The following ATP8A2 variants were observed in gnomAD, a reference collection of about 807,000 sequenced individuals.
ATP8A2 encodes phospholipid-transporting ATPase IB.
Under a neutral mutation model 165.6 loss-of-function variants are expected in ATP8A2, and 100 were observed. The observed-to-expected ratio is 0.60, with a 90% CI of 0.51 to 0.71. The LOEUF (loss-of-function observed/expected upper bound fraction) is 0.71, where lower values mean the gene tolerates loss of function less well. Ranked by LOEUF, ATP8A2 falls within the 30% of genes least tolerant of loss-of-function variation. The probability of loss-of-function intolerance (pLI) is 0.00; values close to 1 mark genes in which losing one functional copy is unlikely to be tolerated. For missense variants in ATP8A2, 1,227 were observed against 1,479.5 expected, an observed-to-expected ratio of 0.83 and a Z score of 2.80; for synonymous variants, 543 against 548.8, an observed-to-expected ratio of 0.99 and a Z score of 0.15.
At chr13:26,008,435 A>G (rs1013705246) in intron 35 of ATP8A2, among the ~76,000 whole-genome samples, 5 of 152,188 alleles carry the variant, frequency 3.3e-5, no homozygotes, top group African/African-American at 1.2e-4. Flanking sequence ...AATGAAAAAC[A>G]TGGGAGAGAT....
intron 33 of ATP8A2, among the ~76,000 whole-genome samples, chr13:25,902,107 A>G (rs976572083): frequency 6.6e-6 from 1 of 152,226 alleles, no homozygotes; most frequent in African/African-American, 2.4e-5. Context: ...TATGGGGTTT[A>G]AAAAGGACAA....
chr13:25,807,360 T>A (rs1950765016), intron 27 of ATP8A2, among the ~76,000 whole-genome samples: 1 of 152,186 alleles, frequency 6.6e-6, no homozygotes, highest in Non-Finnish European at 1.5e-5. Context: ...TATTGTTTGT[T>A]AATGGTGTGA....
Position 25,533,431 on chromosome 13 carries a change from T to G in ATP8A2, c.507+118T>G, listed in dbSNP as rs558475939. 117 of 590,952 alleles carry G rather than the reference T, an allele frequency of 2.0e-4. No homozygotes were observed. In the South Asian group the frequency reaches 2.4e-3, roughly 12 times the overall value. The allele number at this position is 590,952 out of a possible 1,614,324, so 36.6% of individuals were successfully genotyped here. A position where few individuals can be genotyped will look rare whatever the true frequency, so the allele number is the denominator to read the frequency against. On this transcript the variant is annotated intron_variant, in intron 6 of 36. Transcript: ENST00000381655. ...ACACAGTAGAGTTTTCCATGAGGTCTGCTGAGACCTGATGCGTGTTTACTC... is the reference window on the plus strand; with the variant it reads ...ACACAGTAGAGTTTTCCATGAGGTCGGCTGAGACCTGATGCGTGTTTACTC...
rs77163923 is a variant in ATP8A2, at chr13:25,376,006, G to A, written c.76+3718G>A. Reference sequence around the variant, plus strand: ...TTTTTGCCAGAACAACCTGCCCCAAGTTTCAAGGAGGAGAATCAGGGCAGC... The same window carrying A: ...TTTTTGCCAGAACAACCTGCCCCAAATTTCAAGGAGGAGAATCAGGGCAGC... On this transcript the variant is annotated intron_variant, in intron 1 of 36. Transcript: ENST00000381655. Among the ~76,000 whole-genome samples, 323 of 152,194 alleles carry A rather than the reference G, an allele frequency of 2.1e-3. 1 individual carries two copies. The highest frequency in any genetic ancestry group is 7.2e-3 in the African/African-American group (301 of 41,530).
chr13:25,692,741 T>G (rs1415395931), intron 24 of ATP8A2, among the ~76,000 whole-genome samples: 1 of 152,208 alleles, frequency 6.6e-6, no homozygotes, highest in Non-Finnish European at 1.5e-5. Context: ...GGTGATTACC[T>G]AATTTTAATT....
intron 2 of ATP8A2, among the ~76,000 whole-genome samples, chr13:25,527,470 G>A (rs2037877713): frequency 6.6e-6 from 1 of 152,148 alleles, no homozygotes; most frequent in Non-Finnish European, 1.5e-5. Flanking sequence ...GATAGGTGCT[G>A]CCTTTAGCTG....
intron 33 of ATP8A2, among the ~76,000 whole-genome samples, chr13:25,893,724 C>G (rs1201171594): frequency 6.6e-6 from 1 of 152,156 alleles, no homozygotes; most frequent in Non-Finnish European, 1.5e-5. Context: ...TGTTTCCTGA[C>G]TTTTGAATGA....
At chr13:25,483,843 C>T (rs187486959) in intron 2 of ATP8A2, among the ~76,000 whole-genome samples, 26 of 152,324 alleles carry the variant, frequency 1.7e-4, no homozygotes, top group Admixed American at 1.5e-3. Context: ...CTGGTTATTA[C>T]GAATGTTGTT....
chr13:25,854,693 G>A (rs1335938700), intron 30 of ATP8A2, among the ~76,000 whole-genome samples: 1 of 152,158 alleles, frequency 6.6e-6, no homozygotes, highest in African/African-American at 2.4e-5. Flanking sequence ...TTGTTCAATA[G>A]CACTTTCTGT....
chr13:25,440,191 A>C (rs1010451608), intron 1 of ATP8A2, among the ~76,000 whole-genome samples: 2 of 151,994 alleles, frequency 1.3e-5, no homozygotes, highest in African/African-American at 4.8e-5. Context: ...CTCCCCAGTA[A>C]TTTTCTCACA....
At chr13:25,424,116 G>A (rs547055939) in intron 1 of ATP8A2, among the ~76,000 whole-genome samples, 5 of 152,186 alleles carry the variant, frequency 3.3e-5, no homozygotes, top group Non-Finnish European at 7.3e-5. Flanking sequence ...GAGCTGAGAA[G>A]GGGATCGTGG....
In ATP8A2 at chr13:25,878,140, C is replaced by T. The variant is rs577249451; in HGVS notation, c.3183+15732C>T. On this transcript the variant is annotated intron_variant, in intron 33 of 36. Coordinates refer to ENST00000381655, the MANE Select transcript of ATP8A2 (RefSeq NM_016529.6). Reference sequence around the variant, plus strand: ...GTTCTGTAGCGTGAAGAAGACAACTCGGGAAGTGTCTAAGGAATGGAAGAC... The same window carrying T: ...GTTCTGTAGCGTGAAGAAGACAACTTGGGAAGTGTCTAAGGAATGGAAGAC... Among the ~76,000 whole-genome samples the T allele has an allele frequency of 4.6e-5, 7 of 152,208 alleles. No individual in the cohort carries two copies. In the South Asian group the frequency reaches 1.0e-3, roughly 23 times the overall value.
At chr13:25,413,186 C>T (rs1296088942) in intron 1 of ATP8A2, among the ~76,000 whole-genome samples, 1 of 151,712 alleles carries the variant, frequency 6.6e-6, no homozygotes, top group Non-Finnish European at 1.5e-5. Flanking sequence ...TTTTTTGGTG[C>T]AGTACTGCAA....
chr13:25,598,083 C>G (rs1023330059), intron 24 of ATP8A2, among the ~76,000 whole-genome samples: 1 of 151,976 alleles, frequency 6.6e-6, no homozygotes, highest in Non-Finnish European at 1.5e-5. Context: ...CAGTTTATAT[C>G]CCGTATAGTT....
intron 24 of ATP8A2, among the ~76,000 whole-genome samples, chr13:25,605,895 A>G (rs938639101): frequency 2.0e-5 from 3 of 152,170 alleles, no homozygotes; most frequent in Non-Finnish European, 4.4e-5. Flanking sequence ...CTCCTAGGTC[A>G]AGAGAAATAT....
chr13:25,850,775 G>A (rs1193171326), intron 30 of ATP8A2, among the ~76,000 whole-genome samples: 4 of 152,194 alleles, frequency 2.6e-5, no homozygotes, highest in South Asian at 2.1e-4. Context: ...CTGGACAATC[G>A]AATGGGGCTT....
At chr13:25,454,705 C>G (rs374441831) in intron 1 of ATP8A2, among the ~76,000 whole-genome samples, 3 of 152,118 alleles carry the variant, frequency 2.0e-5, no homozygotes, top group Non-Finnish European at 4.4e-5. Flanking sequence ...GGGTGAATCA[C>G]GAGGTCATGA....
chr13:25,445,067 A>G (rs1199896476), intron 1 of ATP8A2, among the ~76,000 whole-genome samples: 2 of 152,192 alleles, frequency 1.3e-5, no homozygotes, highest in Non-Finnish European at 2.9e-5. Context: ...GGATGCAAGC[A>G]TCAGATACAT....
chr13:25,858,760 A>G (rs933036131), intron 30 of ATP8A2, among the ~76,000 whole-genome samples: 9 of 152,228 alleles, frequency 5.9e-5, no homozygotes, highest in Non-Finnish European at 1.5e-5. Context: ...GCCACAGACC[A>G]GAACTGAGTA....
Sources: allele counts gnomAD v4.1 joint callset (sites outside exome capture counted in the v4.1 genomes callset), GRCh38; gene constraint gnomAD v4.1.1; transcripts MANE v1.5; gene names NCBI Gene and HGNC (gene_info 2026-07-23, HGNC 2026-07-21).